Variants in WDCP observed in about 807,000 individuals in gnomAD.
The protein encoded by WDCP is WD repeat and coiled-coil-containing protein.
In WDCP, 19 loss-of-function variants were observed where a neutral mutation model predicts 41.6. The observed-to-expected ratio is 0.46, with a 90% CI of 0.32 to 0.67. The LOEUF is 0.67. Ranked by LOEUF, WDCP falls within the 30% of genes least tolerant of loss-of-function variation. The pLI, the probability that WDCP is intolerant of heterozygous loss-of-function variation, is 0.04. For synonymous variants in WDCP, 302 were observed against 320.8 expected, an observed-to-expected ratio of 0.94 and a Z score of 0.63; for missense variants, 802 against 850.7, an observed-to-expected ratio of 0.94 and a Z score of 0.71.
rs1014480203 is a variant in WDCP, at chr2:24,030,584, A to T, written c.*349T>A. On this transcript the variant is annotated 3_prime_UTR_variant, in exon 4 of 4. Coordinates refer to ENST00000295148, the MANE Select transcript of WDCP (RefSeq NM_025203.3). Reference sequence around the variant, plus strand: ...AAGGTATCTTTTAAGTGCTCCTAAGACAGCTTCAATGCAGCTTTGGACAAG... The same window carrying T: ...AAGGTATCTTTTAAGTGCTCCTAAGTCAGCTTCAATGCAGCTTTGGACAAG... 3.8e-5 allele frequency: 8 copies of T among 208,688 alleles called. No individual in the cohort carries two copies. The highest frequency in any genetic ancestry group is 2.3e-5 in the African/African-American group (1 of 43,410). 12.9% of individuals were successfully genotyped at this position (208,688 alleles called of 1,614,324 possible).
chr2:24,043,185 A>G, intron 1 of WDCP, among the ~76,000 whole-genome samples: 1 of 152,108 alleles, frequency 6.6e-6, no homozygotes. Context: ...AATACAAAAA[A>G]ATTAGCCAGG....
chr2:24,034,078 G>A (rs1663171397), intron 2 of WDCP, among the ~76,000 whole-genome samples: 1 of 152,150 alleles, frequency 6.6e-6, no homozygotes, highest in African/African-American at 2.4e-5. Context: ...TGATTATTGT[G>A]TAACTTTTAC....
intron 3 of WDCP, among the ~76,000 whole-genome samples, chr2:24,032,222 T>A (rs1324044494): frequency 1.3e-5 from 2 of 152,034 alleles, no homozygotes; most frequent in East Asian, 1.9e-4. Flanking sequence ...ACATTTTTTT[T>A]AAACTTGGCT....
intron 1 of WDCP, among the ~76,000 whole-genome samples, chr2:24,041,918 T>G (rs1392991141): frequency 6.6e-6 from 1 of 151,112 alleles, no homozygotes; most frequent in Non-Finnish European, 1.5e-5. Flanking sequence ...AGGACATTAT[T>G]TGGATAAGCT....
rs1174376563 is a variant in WDCP at position 24,038,293 on chromosome 2, A to C, written c.1202T>G (p.Ile401Ser). 1.9e-6 allele frequency: 3 copies of C among 1,614,112 alleles called. No homozygotes were observed. The highest frequency in any genetic ancestry group is 1.7e-5 in the Admixed American group (1 of 60,002). Residue 401 changes from isoleucine (I) to serine (S), a missense_variant, in exon 2 of 4, where the codon ATT (isoleucine) becomes AGT (serine). Transcript: ENST00000295148. ...AGTGAGTTTTTGTTTTCCTACCAAA[A>C]TTAGTAATAGTTGGTCTGTCAAGAA... ...ICFLTDQLLL[I>S]LVGKQKLTDT...
chr2:24,031,001 A>G lies in WDCP; in HGVS notation c.2098T>C (p.Phe700Leu). 1.2e-6 allele frequency: 2 copies of G among 1,614,244 alleles called. No homozygotes were observed. The highest frequency in any genetic ancestry group is 1.7e-6 in the Non-Finnish European group (2 of 1,180,046). The change falls in exon 4 of 4, where the codon TTT becomes CTT. Residue 700 changes from phenylalanine to leucine, a missense_variant. Phe to Leu is a conservative substitution (Grantham distance 22). This residue lies in a region of WDCP where 321 missense variants were observed against 305.1 expected (regional missense o/e 1.05). Transcript: ENST00000295148. ...SPGAVSSLKVFTGLAAPSLDT... is the reference protein window; with the variant it reads ...SPGAVSSLKVLTGLAAPSLDT... ...AAACTGGGGGCAGCAAGGCCTGTAA[A>G]GACTTTAAGAGAAGAAACAGCACCT...
chr2:24,036,590 C>T (rs2150949643), intron 2 of WDCP, among the ~76,000 whole-genome samples: 1 of 152,272 alleles, frequency 6.6e-6, no homozygotes, highest in South Asian at 2.1e-4. Flanking sequence ...GGGAACCAAT[C>T]CAACAGAAAT....
At chr2:24,035,332 A>G (rs1663211328) in intron 2 of WDCP, among the ~76,000 whole-genome samples, 1 of 130,438 alleles carries the variant, frequency 7.7e-6, no homozygotes, top group Non-Finnish European at 1.7e-5. Flanking sequence ...GTGTAACAAA[A>G]GGGGAAATAA....
rs887641291 is a variant in WDCP at position 24,030,880 on chromosome 2, C to T, written c.*53G>A. ...GGCGAGTGTCCAGTGTCAAGCAGGC[C>T]TTGTTTGTAATGGTCTCATCTGAAG... On this transcript the variant is annotated 3_prime_UTR_variant, in exon 4 of 4. Coordinates refer to ENST00000295148, the MANE Select transcript of WDCP (RefSeq NM_025203.3). The T allele has an allele frequency of 1.4e-5, 19 of 1,404,312 alleles. No homozygotes were observed. In the South Asian group the frequency reaches 2.3e-4, roughly 17 times the overall value. 87.0% of individuals were successfully genotyped at this position (1,404,312 alleles called of 1,614,324 possible). A position where few individuals can be genotyped will look rare whatever the true frequency, so the allele number is the denominator to read the frequency against.
At chr2:24,039,616 T>C in intron 1 of WDCP, 104 bp from the exon 2 acceptor site, 1 of 996,970 alleles carries the variant, frequency 1.0e-6, no homozygotes, top group Non-Finnish European at 1.5e-6. Context: ...AGGTTAATAA[T>C]GTGGAGAGAC....
At chr2:24,041,809 G>C (rs1296319474) in intron 1 of WDCP, among the ~76,000 whole-genome samples, 1 of 138,656 alleles carries the variant, frequency 7.2e-6, no homozygotes, top group Non-Finnish European at 1.5e-5. Context: ...AGTGAGCTCA[G>C]ATGGCGCCAC....
chr2:24,046,356 T>C (rs1663625296), intron 1 of WDCP, among the ~76,000 whole-genome samples: 1 of 152,280 alleles, frequency 6.6e-6, no homozygotes, highest in South Asian at 2.1e-4. Flanking sequence ...TCCCCAACGC[T>C]ACTGATTTTG....
rs374870648 is a variant in WDCP at position 24,037,908 on chromosome 2, G to A, written c.1587C>T (p.Ser529=). The A allele has an allele frequency of 5.0e-6, 8 of 1,614,138 alleles. No individual in the cohort carries two copies. In the East Asian group the frequency reaches 1.6e-4, roughly 31 times the overall value. ...TQPASLPRHS[S]TPDHTSTLEP... ...CCAGTGTGCTGGTGTGGTCTGGTGT[G>A]CTGCTGTGTCTGGGCAGCGATGCTG... Residue 529 remains serine, a synonymous_variant, in exon 2 of 4, where the codon AGC becomes AGT. Coordinates refer to ENST00000295148, the MANE Select transcript of WDCP (RefSeq NM_025203.3).
At position 24,039,508 on chromosome 2, in the gene WDCP, G is replaced by A; in HGVS notation, c.-14C>T. ...TCCCAACTCCATCCTTTTGATAAAG[G>A]TTACCTGAAATGATTAAGAAGGAAA... is the stretch of plus-strand genomic sequence containing the variant. On this transcript the variant is annotated 5_prime_UTR_variant, in exon 2 of 4. Coordinates refer to ENST00000295148, the MANE Select transcript of WDCP (RefSeq NM_025203.3). 6.2e-7 allele frequency: 1 copy of A among 1,606,030 alleles called. No individual in the cohort carries two copies.
intron 2 of WDCP, among the ~76,000 whole-genome samples, chr2:24,035,810 C>G (rs1189539902): frequency 6.6e-6 from 1 of 151,694 alleles, no homozygotes; most frequent in East Asian, 1.9e-4. Flanking sequence ...GTGGCTTACA[C>G]GTGTAATCTC....
Position 24,030,245 on chromosome 2 carries a change from T to A in WDCP, c.*688A>T, listed in dbSNP as rs952681011. The A allele has an allele frequency of 1.3e-5, 2 of 152,136 alleles. No individual in the cohort carries two copies. The highest frequency in any genetic ancestry group is 1.5e-5 in the Non-Finnish European group (1 of 68,024). The allele number at this position is 152,136 out of a possible 1,614,324, so 9.4% of individuals were successfully genotyped here. The stretch of plus-strand genomic sequence containing the variant: ...GTGTGGTAGCAGCATCGGCACAACC[T>A]CAAGTGGAACCCAGAGGGGACAAAT... On this transcript the variant is annotated 3_prime_UTR_variant, in exon 4 of 4. Transcript: ENST00000295148.
At chr2:24,045,894 C>T (rs1364758946) in intron 1 of WDCP, 1 of 152,052 alleles carries the variant, frequency 6.6e-6, no homozygotes, top group Non-Finnish European at 1.5e-5. Context: ...AGCATGGCCC[C>T]TGCACAGGGA....
intron 1 of WDCP, among the ~76,000 whole-genome samples, chr2:24,045,526 G>A (rs950583041): frequency 1.3e-5 from 2 of 151,294 alleles, no homozygotes; most frequent in African/African-American, 2.4e-5. Context: ...GCTTGAACCC[G>A]GCTGGCGGAG....
Position 24,029,351 on chromosome 2 carries a change from C to G in WDCP, c.*1582G>C, listed in dbSNP as rs1258692470. The G allele has an allele frequency of 6.6e-6, 1 of 152,174 alleles. No homozygotes were observed. Among genetic ancestry groups the G allele is most frequent in the Non-Finnish European group, 1.5e-5 (1 of 68,030 alleles). The allele number at this position is 152,174 out of a possible 1,614,324, so 9.4% of individuals were successfully genotyped here. On this transcript the variant is annotated 3_prime_UTR_variant, in exon 4 of 4. Transcript: ENST00000295148. Reference sequence around the variant, plus strand: ...AAACATCCAAAACAGCCACAATAACCATTAGTGATTTTATTGAAGACTTAT... The same window carrying G: ...AAACATCCAAAACAGCCACAATAACGATTAGTGATTTTATTGAAGACTTAT...
Sources: allele counts gnomAD v4.1 joint callset (sites outside exome capture counted in the v4.1 genomes callset), GRCh38; gene constraint gnomAD v4.1.1; regional missense constraint gnomAD v4.1.1; transcripts MANE v1.5; gene names NCBI Gene and HGNC (gene_info 2026-07-23, HGNC 2026-07-21).